ATP9B: variants seen among roughly 807,000 people sequenced by gnomAD.
ATP9B encodes the protein ATPase phospholipid transporting 9B.
Under a neutral mutation model 146.1 loss-of-function variants are expected in ATP9B, and 110 were observed. The ratio of observed to expected loss-of-function variants is 0.75; its 90% CI spans 0.65 to 0.88. ATP9B has a LOEUF of 0.88. Ranked by LOEUF, ATP9B falls within the 40% of genes least tolerant of loss-of-function variation. The pLI, the probability that ATP9B is intolerant of heterozygous loss-of-function variation, is 0.00. For missense variants in ATP9B, 1,499 were observed against 1,496.4 expected, an observed-to-expected ratio of 1.00 and a Z score of -0.03; for synonymous variants, 604 against 569.7, an observed-to-expected ratio of 1.06 and a Z score of -0.86.
intron 1 of ATP9B, among the ~76,000 whole-genome samples, chr18:79,083,823 T>A (rs1189234756): frequency 6.6e-6 from 1 of 151,844 alleles, no homozygotes; most frequent in Non-Finnish European, 1.5e-5. Context: ...TTGATCTCAT[T>A]GGGAGCTGCA....
At chr18:79,327,932 T>G (rs765051600) in intron 15 of ATP9B, among the ~76,000 whole-genome samples, 1,459 of 52,272 alleles carry the variant, frequency 0.028, no homozygotes, top group Non-Finnish European at 0.044. Context: ...CTCTCTCTGG[T>G]TAGCGTGCTC....
chr18:79,215,527 C>CT (rs33969025), intron 11 of ATP9B, among the ~76,000 whole-genome samples: 53,971 of 152,046 alleles, frequency 0.35, 10,126 homozygotes, highest in African/African-American at 0.47. Context: ...CAGTTTGACT[C>CT]TAATTTGCAT....
chr18:79,235,529 G>A (rs1273688883), intron 11 of ATP9B, among the ~76,000 whole-genome samples: 2 of 151,954 alleles, frequency 1.3e-5, no homozygotes, highest in African/African-American at 4.8e-5. Context: ...ACACTTTTTG[G>A]TTTTTGTTTT....
intron 11 of ATP9B, among the ~76,000 whole-genome samples, chr18:79,218,750 C>T (rs919322846): frequency 2.0e-5 from 3 of 152,188 alleles, no homozygotes; most frequent in South Asian, 2.1e-4. Context: ...ACTGATGTGG[C>T]CAATTACATA....
intron 5 of ATP9B, among the ~76,000 whole-genome samples, chr18:79,142,208 A>G (rs1202392345): frequency 6.6e-6 from 1 of 152,246 alleles, no homozygotes. Flanking sequence ...CATAGAAATT[A>G]ATCGTGATCA....
At chr18:79,228,916 C>A (rs967707940) in intron 11 of ATP9B, among the ~76,000 whole-genome samples, 2 of 151,970 alleles carry the variant, frequency 1.3e-5, no homozygotes, top group Non-Finnish European at 2.9e-5. Context: ...GTACAAACTA[C>A]CTGGGAGACT....
At chr18:79,299,895 G>A (rs1407449870) in intron 13 of ATP9B, 1 of 152,230 alleles carries the variant, frequency 6.6e-6, no homozygotes, top group Admixed American at 6.5e-5. Context: ...GCTGCAGATG[G>A]GCAGCTCTCC....
At position 79,190,607 on chromosome 18, in the gene ATP9B, G is replaced by A. The variant is rs146659322; in HGVS notation, c.874-2576G>A. Among the ~76,000 whole-genome samples the A allele has an allele frequency of 3.7e-3, 570 of 152,000 alleles. 4 individuals are homozygous for A. Among genetic ancestry groups the A allele is most frequent in the African/African-American group, 0.012 (516 of 41,420 alleles). On this transcript the variant is annotated intron_variant, in intron 8 of 29. Transcript: ENST00000426216. Reference sequence around the variant, plus strand: ...CACCCAGGCTGGAGTGCAGTGGTGCGATCTCGGCTCACTGCAACCTCTGCC... The same window carrying A: ...CACCCAGGCTGGAGTGCAGTGGTGCAATCTCGGCTCACTGCAACCTCTGCC...
chr18:79,348,682 T>C lies in ATP9B; in HGVS notation c.2903+486T>C, dbSNP rs116817324. ...AGGAATGGAATCTCATTTTCAAAGATAGCAGCACCAGGGCTGGGCGCGGTG... is the reference window on the plus strand; with the variant it reads ...AGGAATGGAATCTCATTTTCAAAGACAGCAGCACCAGGGCTGGGCGCGGTG... On this transcript the variant is annotated intron_variant, in intron 25 of 29. Transcript: ENST00000426216. 9.0e-3 allele frequency among the ~76,000 whole-genome samples: 1,364 copies of C among 152,356 alleles called. 7 individuals carry two copies. The highest frequency in any genetic ancestry group is 0.023 in the African/African-American group (960 of 41,586).
chr18:79,303,012 A>G (rs945270451), intron 13 of ATP9B, among the ~76,000 whole-genome samples: 1 of 152,162 alleles, frequency 6.6e-6, no homozygotes, highest in African/African-American at 2.4e-5. Flanking sequence ...ATTCGTTCCA[A>G]ATAACAGATC....
In ATP9B at chr18:79,368,233, T is replaced by G. The variant is rs1443428165; in HGVS notation, c.3013-4592T>G. 1.2e-4 allele frequency among the ~76,000 whole-genome samples: 18 copies of G among 152,230 alleles called. 1 individual carries two copies. The South Asian group carries it at 2.9e-3, about 24-fold the overall frequency. ...GTCAGAGCCAAGAAAGTCTTCAATT[T>G]TCCTAGGATAGATGAACAGAATTGG... On this transcript the variant is annotated intron_variant, in intron 26 of 29. Transcript: ENST00000426216.
intron 9 of ATP9B, among the ~76,000 whole-genome samples, chr18:79,194,026 A>G (rs1600338807): frequency 1.3e-5 from 2 of 152,178 alleles, no homozygotes; most frequent in Admixed American, 6.5e-5. Flanking sequence ...TGAGGTCGTT[A>G]AAGTCCCTTG....
chr18:79,308,571 A>T (rs1216847666), intron 15 of ATP9B, among the ~76,000 whole-genome samples: 1 of 152,238 alleles, frequency 6.6e-6, no homozygotes, highest in African/African-American at 2.4e-5. Flanking sequence ...GTGTGATTCC[A>T]TTGCCATGAC....
intron 11 of ATP9B, among the ~76,000 whole-genome samples, chr18:79,218,874 G>A (rs1037752767): frequency 2.0e-5 from 3 of 152,218 alleles, no homozygotes; most frequent in Non-Finnish European, 2.9e-5. Flanking sequence ...CTTCTAGCTC[G>A]TGTGCAGAAG....
intron 17 of ATP9B, among the ~76,000 whole-genome samples, chr18:79,333,476 T>C (rs2147184632): frequency 6.6e-6 from 1 of 152,378 alleles, no homozygotes; most frequent in East Asian, 1.9e-4. Flanking sequence ...TTAACTTGTT[T>C]AGGATATCCT....
intron 1 of ATP9B, chr18:79,087,777 T>A (rs1428198051): frequency 2.0e-5 from 3 of 152,088 alleles, no homozygotes; most frequent in African/African-American, 7.2e-5. Flanking sequence ...GAGTTCCTAA[T>A]TTTTTTTGAA....
At chr18:79,110,904 C>T (rs936712934) in intron 3 of ATP9B, among the ~76,000 whole-genome samples, 2 of 152,036 alleles carry the variant, frequency 1.3e-5, no homozygotes, top group African/African-American at 4.8e-5. Context: ...CAAGAGATTT[C>T]GCAAAGAAAA....
At chr18:79,227,704 G>A (rs375259881) in intron 11 of ATP9B, among the ~76,000 whole-genome samples, 5 of 152,220 alleles carry the variant, frequency 3.3e-5, no homozygotes, top group East Asian at 3.9e-4. Flanking sequence ...ACCTCCCCCC[G>A]ACTGTTCTCC....
At chr18:79,193,323 C>A in intron 9 of ATP9B, 60 bp downstream of exon 9, 1 of 1,306,046 alleles carries the variant, frequency 7.7e-7, no homozygotes, top group South Asian at 1.2e-5. Context: ...AAGTAGCAAA[C>A]CTTTGAGACA....
Sources: gnomAD v4.1 joint callset for allele counts (sites outside exome capture counted in the v4.1 genomes callset) on GRCh38, gnomAD v4.1.1 for gene constraint, MANE v1.5 for transcripts, NCBI Gene and HGNC (gene_info 2026-07-23, HGNC 2026-07-21) for gene names.